RHPN2: variants seen among roughly 807,000 people sequenced by gnomAD.
The protein encoded by RHPN2 is rhophilin Rho GTPase binding protein 2.
RHPN2 carries 40 observed loss-of-function variants against 79.0 expected under a neutral mutation model. The observed-to-expected ratio is 0.51, with a 90% CI of 0.39 to 0.66. RHPN2 has a LOEUF of 0.66. Ranked by LOEUF, RHPN2 falls within the 30% of genes least tolerant of loss-of-function variation. The probability of loss-of-function intolerance (pLI) is 0.00; values close to 1 mark genes in which losing one functional copy is unlikely to be tolerated. For missense variants in RHPN2, 686 were observed against 883.5 expected (o/e 0.78, Z 2.83); for synonymous variants, 285 against 363.5 (o/e 0.78, Z 2.46).
At chr19:33,060,354 C>T (rs1487079269) in intron 1 of RHPN2, among the ~76,000 whole-genome samples, 3 of 152,104 alleles carry the variant, frequency 2.0e-5, no homozygotes, top group African/African-American at 7.2e-5. Context: ...TCCTTCCCTG[C>T]CAATCACATC....
intron 1 of RHPN2, among the ~76,000 whole-genome samples, chr19:33,062,860 T>C (rs1972293394): frequency 6.6e-6 from 1 of 152,032 alleles, no homozygotes; most frequent in Non-Finnish European, 1.5e-5. Context: ...TGCCATCCAC[T>C]CTTTCCCAGT....
At chr19:33,036,409 G>A (rs1972056100) in intron 2 of RHPN2, among the ~76,000 whole-genome samples, 1 of 152,172 alleles carries the variant, frequency 6.6e-6, no homozygotes, top group Non-Finnish European at 1.5e-5. Flanking sequence ...AGGAGGCTAA[G>A]GCAGGAGGAT....
chr19:33,034,583 G>A (rs1972040097), intron 2 of RHPN2, among the ~76,000 whole-genome samples: 1 of 134,516 alleles, frequency 7.4e-6, no homozygotes. Flanking sequence ...TCCAGGCTGG[G>A]TGACAGAGCG....
At chr19:32,993,303 C>T (rs1460614287) in intron 12 of RHPN2, among the ~76,000 whole-genome samples, 15 of 151,750 alleles carry the variant, frequency 9.9e-5, no homozygotes, top group Admixed American at 5.3e-4. Flanking sequence ...GGTGAAACCC[C>T]GTCTCTACTA....
At chr19:33,009,074 CAG>C (rs1971816339) in intron 6 of RHPN2, among the ~76,000 whole-genome samples, 1 of 148,976 alleles carries the variant, frequency 6.7e-6, no homozygotes, top group African/African-American at 2.5e-5. Flanking sequence ...ACCCTGGAGA[CAG>C]AAGAAAGATC....
chr19:33,054,555 T>C (rs568168374), intron 1 of RHPN2, among the ~76,000 whole-genome samples: 1 of 152,192 alleles, frequency 6.6e-6, no homozygotes. Context: ...TCCGAGGGTC[T>C]GAATGGGCAG....
intron 1 of RHPN2, among the ~76,000 whole-genome samples, chr19:33,055,422 C>T (rs1185559778): frequency 6.6e-6 from 1 of 151,770 alleles, no homozygotes; most frequent in African/African-American, 2.4e-5. Context: ...GTCAGCATCA[C>T]CAACCTTTAC....
chr19:33,049,933 G>C (rs1972173697), intron 1 of RHPN2, among the ~76,000 whole-genome samples: 1 of 152,158 alleles, frequency 6.6e-6, no homozygotes, highest in African/African-American at 2.4e-5. Flanking sequence ...CCCTTCATGG[G>C]TGATGGCTGC....
At chr19:32,997,489 CT>C (rs35958619) in intron 10 of RHPN2, among the ~76,000 whole-genome samples, 119,407 of 149,450 alleles carry the variant, frequency 0.8, 48,435 homozygotes, top group African/African-American at 0.95. Flanking sequence ...CAGAGAAAGG[CT>C]TTTTTTTTTT....
In RHPN2 at chr19:33,008,037, A is replaced by G. The variant is rs138643075; in HGVS notation, c.737T>C (p.Ile246Thr). ...ACCTGCGGCTCTCTGAAAGGCATCTATGGCACTCTCCAGCCCAGCCTGCGT... is the reference window on the plus strand; with the variant it reads ...ACCTGCGGCTCTCTGAAAGGCATCTGTGGCACTCTCCAGCCCAGCCTGCGT... ...RQTQAGLESA[I>T]DAFQRAAGVL... Residue 246 changes from isoleucine (I) to threonine (T), a missense_variant, in exon 7 of 15, where the codon ATA (isoleucine) becomes ACA (threonine). Physicochemically the swap from Ile to Thr is moderately conservative, Grantham distance 89. Transcript: ENST00000254260. The G allele has an allele frequency of 2.2e-5, 35 of 1,612,538 alleles. No individual in the cohort carries two copies. In the African/African-American group the frequency reaches 4.3e-4, roughly 20 times the overall value.
At chr19:33,004,584 T>A (rs1971775815) in intron 7 of RHPN2, among the ~76,000 whole-genome samples, 1 of 152,022 alleles carries the variant, frequency 6.6e-6, no homozygotes, top group Admixed American at 6.6e-5. Context: ...AAGTTATATA[T>A]GTATATTTTA....
At chr19:33,056,835 C>T (rs943788851) in intron 1 of RHPN2, among the ~76,000 whole-genome samples, 21 of 151,662 alleles carry the variant, frequency 1.4e-4, no homozygotes, top group African/African-American at 4.1e-4. Context: ...CCAGGCCGGG[C>T]GCAGTGGCTC....
chr19:33,026,385 G>A (rs1246763053), intron 3 of RHPN2, 119 bp downstream of exon 3: 41 of 1,318,288 alleles, frequency 3.1e-5, no homozygotes, highest in Non-Finnish European at 3.5e-5. Context: ...TCTCACTTCC[G>A]AAAGTGGGGG....
chr19:33,058,640 C>T (rs776407502), intron 1 of RHPN2, among the ~76,000 whole-genome samples: 3 of 152,000 alleles, frequency 2.0e-5, no homozygotes, highest in East Asian at 3.9e-4. Flanking sequence ...ATTAGCTGGG[C>T]GTGGTGGCAC....
At chr19:33,003,086 C>T (rs180837119) in intron 7 of RHPN2, 86 bp from the exon 8 acceptor site, 23 of 1,244,250 alleles carry the variant, frequency 1.8e-5, no homozygotes, top group Admixed American at 9.7e-5. Context: ...AGGCCGAGTG[C>T]GGTGGCTCAT....
chr19:32,981,683 CT>C (rs895379792), intron 14 of RHPN2, among the ~76,000 whole-genome samples: 1 of 130,482 alleles, frequency 7.7e-6, no homozygotes, highest in East Asian at 2.1e-4. Context: ...ACCTGATTTT[CT>C]TTTTTTCTTT....
intron 1 of RHPN2, among the ~76,000 whole-genome samples, chr19:33,057,016 A>G (rs2145272803): frequency 6.6e-6 from 1 of 150,948 alleles, no homozygotes; most frequent in South Asian, 2.1e-4. Flanking sequence ...GCTACTCAGG[A>G]GGCTGAGGTA....
chr19:33,063,164 A>G (rs909021158), intron 1 of RHPN2, among the ~76,000 whole-genome samples: 1 of 152,114 alleles, frequency 6.6e-6, no homozygotes, highest in African/African-American at 2.4e-5. Flanking sequence ...TCCTCCTGCA[A>G]TTCCATGGCC....
intron 2 of RHPN2, among the ~76,000 whole-genome samples, chr19:33,037,412 G>C (rs998488550): frequency 6.6e-6 from 1 of 152,126 alleles, no homozygotes; most frequent in Non-Finnish European, 1.5e-5. Context: ...AATAAAAGCA[G>C]GCTGCCTGAG....
Sources: gnomAD v4.1 joint callset for allele counts (sites outside exome capture counted in the v4.1 genomes callset) on GRCh38, gnomAD v4.1.1 for gene constraint, MANE v1.5 for transcripts, NCBI Gene and HGNC (gene_info 2026-07-23, HGNC 2026-07-21) for gene names.